The following GBE1 variants were observed in gnomAD, a reference collection of about 807,000 sequenced individuals.
The protein encoded by GBE1 is 1,4-alpha-glucan-branching enzyme.
A neutral mutation model predicts 88.8 loss-of-function variants in GBE1; 70 were observed. The ratio of observed to expected loss-of-function variants is 0.79; its 90% CI spans 0.65 to 0.96. The LOEUF (loss-of-function observed/expected upper bound fraction) is 0.96. Among genes scored for constraint, GBE1 ranks in the 40% least tolerant of loss-of-function variants. GBE1 has a pLI of 0.00. For synonymous variants in GBE1, 284 were observed against 300.1 expected, an observed-to-expected ratio of 0.95 and a Z score of 0.56; for missense variants, 872 against 871.0, an observed-to-expected ratio of 1.00 and a Z score of -0.01.
At chr3:81,592,057 G>T (rs914559866) in intron 8 of GBE1, among the ~76,000 whole-genome samples, 2 of 152,008 alleles carry the variant, frequency 1.3e-5, no homozygotes, top group African/African-American at 4.8e-5. Context: ...CCAAGGTACT[G>T]ATTTGATATT....
chr3:81,690,282 C>T (rs1433832611), intron 2 of GBE1, among the ~76,000 whole-genome samples: 2 of 152,218 alleles, frequency 1.3e-5, no homozygotes, highest in African/African-American at 4.8e-5. Flanking sequence ...AGCGCTAACA[C>T]TGTGTGTGCA....
At chr3:81,552,520 T>TAAAA (rs58899195) in intron 12 of GBE1, among the ~76,000 whole-genome samples, 5 of 55,826 alleles carry the variant, frequency 9.0e-5, no homozygotes, top group African/African-American at 1.3e-4. Flanking sequence ...CTATCTTATA[T>TAAAA]AAAAAAAAAA....
At chr3:81,545,927 A>T (rs1703200232) in intron 12 of GBE1, among the ~76,000 whole-genome samples, 1 of 152,086 alleles carries the variant, frequency 6.6e-6, no homozygotes, top group African/African-American at 2.4e-5. Context: ...ACGGACTGCC[A>T]TGGTATTGCT....
At chr3:81,639,842 T>C (rs996123852) in intron 7 of GBE1, among the ~76,000 whole-genome samples, 2 of 152,056 alleles carry the variant, frequency 1.3e-5, no homozygotes, top group Non-Finnish European at 2.9e-5. Flanking sequence ...GTAGGTCACA[T>C]GAGTGAACCA....
At chr3:81,720,348 A>ATGTG (rs773210727) in intron 1 of GBE1, among the ~76,000 whole-genome samples, 55 of 142,842 alleles carry the variant, frequency 3.9e-4, no homozygotes, top group African/African-American at 1.5e-3. Flanking sequence ...GTGTATGTGT[A>ATGTG]TGTGTGTGTG....
intron 7 of GBE1, among the ~76,000 whole-genome samples, chr3:81,614,426 T>C (rs1704221818): frequency 6.6e-6 from 1 of 152,170 alleles, no homozygotes; most frequent in South Asian, 2.1e-4. Context: ...TAAATTAAAA[T>C]ACAAGTTGCT....
intron 14 of GBE1, among the ~76,000 whole-genome samples, chr3:81,520,483 A>G (rs896840407): frequency 1.1e-4 from 16 of 151,690 alleles, no homozygotes; most frequent in African/African-American, 3.4e-4. Context: ...AATGCATTAG[A>G]AAGAGCACTC....
intron 15 of GBE1, among the ~76,000 whole-genome samples, chr3:81,497,780 T>G (rs1406996632): frequency 6.6e-6 from 1 of 152,172 alleles, no homozygotes; most frequent in African/African-American, 2.4e-5. Flanking sequence ...TGACTCCCCT[T>G]TGTGAGCTGA....
At chr3:81,492,506 T>G (rs1246828709) in intron 15 of GBE1, among the ~76,000 whole-genome samples, 1 of 151,756 alleles carries the variant, frequency 6.6e-6, no homozygotes, top group Admixed American at 6.6e-5. Flanking sequence ...ATTCAACCCA[T>G]TCCCTCCCTA....
At chr3:81,536,368 C>G (rs1391709841) in intron 13 of GBE1, among the ~76,000 whole-genome samples, 1 of 151,844 alleles carries the variant, frequency 6.6e-6, no homozygotes, top group African/African-American at 2.4e-5. Context: ...TTGTTAATTA[C>G]ATTTTCTAAA....
At chr3:81,624,870 G>A (rs140836998) in intron 7 of GBE1, among the ~76,000 whole-genome samples, 85 of 152,198 alleles carry the variant, frequency 5.6e-4, no homozygotes, top group Middle Eastern at 6.8e-3. Context: ...AATTAGCTAC[G>A]TTTATGCTCA....
chr3:81,664,065 A>G (rs1705074151), intron 3 of GBE1, among the ~76,000 whole-genome samples: 1 of 152,212 alleles, frequency 6.6e-6, no homozygotes, highest in Admixed American at 6.5e-5. Context: ...TCAAATTTTA[A>G]AATTTATTTT....
chr3:81,632,007 C>A (rs1213167874), intron 7 of GBE1, among the ~76,000 whole-genome samples: 1 of 152,072 alleles, frequency 6.6e-6, no homozygotes, highest in Non-Finnish European at 1.5e-5. Flanking sequence ...CCCTCTCTAT[C>A]CTCATATGTT....
At chr3:81,629,949 G>A (rs962699367) in intron 7 of GBE1, among the ~76,000 whole-genome samples, 16 of 143,074 alleles carry the variant, frequency 1.1e-4, no homozygotes, top group African/African-American at 3.6e-4. Flanking sequence ...TCCCACGTAT[G>A]AGTGAGAACA....
intron 12 of GBE1, among the ~76,000 whole-genome samples, chr3:81,569,268 G>C (rs1275153075): frequency 1.3e-5 from 2 of 152,062 alleles, no homozygotes; most frequent in Non-Finnish European, 1.5e-5. Flanking sequence ...AGGACATTAG[G>C]AATTAAATTT....
At chr3:81,497,483 C>T (rs1348848922) in intron 15 of GBE1, among the ~76,000 whole-genome samples, 2 of 152,096 alleles carry the variant, frequency 1.3e-5, no homozygotes, top group Non-Finnish European at 2.9e-5. Flanking sequence ...TATGAATCAT[C>T]TTCATTTTAC....
intron 7 of GBE1, among the ~76,000 whole-genome samples, chr3:81,613,239 T>C (rs1240872630): frequency 6.6e-6 from 1 of 151,168 alleles, no homozygotes; most frequent in Non-Finnish European, 1.5e-5. Flanking sequence ...TTGGAGAAAA[T>C]ACCTTGAGCA....
At position 81,528,172 on chromosome 3, in the gene GBE1, A is replaced by T. The variant is rs183149055; in HGVS notation, c.1934+7023T>A. Reference sequence around the variant, plus strand: ...CACAGGTGGGAATTGAACAATGAGAACACATGGACACAGGAAGGGGAACAT... The same window carrying T: ...CACAGGTGGGAATTGAACAATGAGATCACATGGACACAGGAAGGGGAACAT... On this transcript the variant is annotated intron_variant, in intron 14 of 15. Transcript: ENST00000429644. Among the ~76,000 whole-genome samples, 606 of 142,886 alleles carry T rather than the reference A, an allele frequency of 4.2e-3. 5 individuals carry two copies. Among genetic ancestry groups the T allele is most frequent in the Middle Eastern group, 0.024 (7 of 290 alleles). The allele number at this position is 142,886 out of a possible 152,430, so 93.7% of individuals were successfully genotyped here.
At chr3:81,624,653 T>C (rs1369499290) in intron 7 of GBE1, among the ~76,000 whole-genome samples, 1 of 150,566 alleles carries the variant, frequency 6.6e-6, no homozygotes, top group Non-Finnish European at 1.5e-5. Flanking sequence ...TACACACACA[T>C]GCATACACAC....
Sources: allele counts gnomAD v4.1 joint callset (sites outside exome capture counted in the v4.1 genomes callset), GRCh38; gene constraint gnomAD v4.1.1; transcripts MANE v1.5; gene names NCBI Gene and HGNC (gene_info 2026-07-23, HGNC 2026-07-21).